MBNL2: variants seen among roughly 807,000 people sequenced by gnomAD.
MBNL2 encodes the protein muscleblind like splicing regulator 2.
In MBNL2, 17 loss-of-function variants were observed where a neutral mutation model predicts 41.9. The observed-to-expected ratio is 0.41, with a 90% CI of 0.28 to 0.61. MBNL2 has a LOEUF of 0.61. Ranked by LOEUF, MBNL2 falls within the 20% of genes least tolerant of loss-of-function variation. The pLI is 0.35. For missense variants in MBNL2, 336 were observed against 505.6 expected (o/e 0.66, Z 3.22); for synonymous variants, 195 against 182.9 (o/e 1.07, Z -0.53).
In MBNL2 at chr13:97,270,333, TTAA is replaced by T. The variant is rs536842763; in HGVS notation, c.-604-5295_-604-5293del. Among the ~76,000 whole-genome samples the T allele has an allele frequency of 2.5e-3, 386 of 152,326 alleles. 1 individual carries two copies. Among genetic ancestry groups the T allele is most frequent in the Non-Finnish European group, 3.6e-3 (242 of 68,024 alleles). ...AGTATGTAATAACTATGAAACAATC[TTAA>T]TAAGATATTTTCACATTCTTTTTTT... On this transcript the variant is annotated intron_variant, in intron 1 of 8. Coordinates refer to ENST00000679496, the MANE Select transcript of MBNL2 (RefSeq NM_001382683.1).
intron 5 of MBNL2, among the ~76,000 whole-genome samples, chr13:97,348,397 A>G (rs1471887843): frequency 6.6e-6 from 1 of 152,080 alleles, no homozygotes; most frequent in African/African-American, 2.4e-5. Flanking sequence ...GGTGATTCCA[A>G]TGCATCGCAA....
the MBNL2 span, among the ~76,000 whole-genome samples, chr13:97,202,616 A>C: frequency 1.3e-5 from 2 of 152,156 alleles, no homozygotes; most frequent in Non-Finnish European, 2.9e-5. Flanking sequence ...GCAATGTTTA[A>C]AAAAAATAAG....
intron 1 of MBNL2, among the ~76,000 whole-genome samples, chr13:97,250,491 G>A (rs1405744300): frequency 3.3e-5 from 5 of 151,788 alleles, no homozygotes; most frequent in African/African-American, 1.2e-4. Flanking sequence ...ACTCAAGAAT[G>A]AAGTTCTTGA....
intron 2 of MBNL2, among the ~76,000 whole-genome samples, chr13:97,286,532 T>G (rs567958543): frequency 5.3e-5 from 8 of 152,336 alleles, no homozygotes; most frequent in South Asian, 2.1e-4. Flanking sequence ...TTTTAAAACA[T>G]AAGTCACAGC....
At chr13:97,357,694 T>A in intron 7 of MBNL2, 59 bp downstream of exon 7, 2 of 1,537,336 alleles carry the variant, frequency 1.3e-6, no homozygotes, top group Non-Finnish European at 1.8e-6. Flanking sequence ...TTCTTCTCAT[T>A]TCTCTAAGCT....
At chr13:97,216,873 T>C (rs1385525167), upstream of MBNL2, among the ~76,000 whole-genome samples, 2 of 151,432 alleles carry the variant, frequency 1.3e-5, no homozygotes, top group African/African-American at 2.4e-5. Context: ...CATGGATATA[T>C]ATTATTACAT....
intron 1 of MBNL2, among the ~76,000 whole-genome samples, chr13:97,257,743 G>T (rs2047831718): frequency 6.6e-6 from 1 of 152,142 alleles, no homozygotes; most frequent in African/African-American, 2.4e-5. Flanking sequence ...GCCTGTGCAG[G>T]GTGTGCTCCT....
the MBNL2 span, among the ~76,000 whole-genome samples, chr13:97,183,386 C>T: frequency 6.6e-6 from 1 of 152,200 alleles, no homozygotes; most frequent in African/African-American, 2.4e-5. Context: ...TAAGAAGACT[C>T]ATTCGGTTTC....
At chr13:97,287,609 C>T (rs901769968) in intron 2 of MBNL2, among the ~76,000 whole-genome samples, 2 of 151,950 alleles carry the variant, frequency 1.3e-5, no homozygotes, top group African/African-American at 2.4e-5. Flanking sequence ...CTTATTCCCC[C>T]GATCTAGCTG....
chr13:97,383,823 TC>T (rs1174917834), intron 8 of MBNL2, among the ~76,000 whole-genome samples: 1 of 152,018 alleles, frequency 6.6e-6, no homozygotes, highest in African/African-American at 2.4e-5. Flanking sequence ...CGAACAATAT[TC>T]CCCCAGAATA....
At chr13:97,210,848 C>A in the MBNL2 span, among the ~76,000 whole-genome samples, 1 of 152,006 alleles carries the variant, frequency 6.6e-6, no homozygotes, top group African/African-American at 2.4e-5. Flanking sequence ...GCTGTGAGAC[C>A]AAAGTCAGTA....
intron 3 of MBNL2, among the ~76,000 whole-genome samples, chr13:97,339,454 G>T (rs1382175932): frequency 6.6e-6 from 1 of 152,086 alleles, no homozygotes; most frequent in Non-Finnish European, 1.5e-5. Flanking sequence ...CGCGAATCTT[G>T]TCCTCTGGCC....
At chr13:97,361,365 T>C (rs1248956307) in intron 7 of MBNL2, among the ~76,000 whole-genome samples, 1 of 152,192 alleles carries the variant, frequency 6.6e-6, no homozygotes, top group Non-Finnish European at 1.5e-5. Flanking sequence ...AAATTGTCCA[T>C]TGTAGCTATA....
At chr13:97,255,306 AT>A (rs1460760197) in intron 1 of MBNL2, among the ~76,000 whole-genome samples, 4 of 152,356 alleles carry the variant, frequency 2.6e-5, no homozygotes, top group Admixed American at 2.6e-4. Context: ...TTGCTCTAAT[AT>A]AAAAAACACA....
chr13:97,386,880 A>G (rs144786375), intron 8 of MBNL2, among the ~76,000 whole-genome samples: 17 of 152,030 alleles, frequency 1.1e-4, no homozygotes, highest in Non-Finnish European at 1.9e-4. Context: ...GCCAGCTGAT[A>G]TTTTTGCATC....
intron 3 of MBNL2, among the ~76,000 whole-genome samples, chr13:97,342,649 A>T (rs1240784043): frequency 6.6e-6 from 1 of 152,240 alleles, no homozygotes; most frequent in Non-Finnish European, 1.5e-5. Flanking sequence ...AAACATGTAG[A>T]ATAAATCAAA....
the MBNL2 span, among the ~76,000 whole-genome samples, chr13:97,188,266 T>G: frequency 1.3e-5 from 2 of 152,130 alleles, no homozygotes; most frequent in Non-Finnish European, 2.9e-5. Context: ...CGATCCATGT[T>G]CAAACACCTC....
chr13:97,266,259 A>AAATT (rs1301370011), intron 1 of MBNL2, among the ~76,000 whole-genome samples: 60 of 151,828 alleles, frequency 4.0e-4, no homozygotes, highest in Non-Finnish European at 2.8e-4. Flanking sequence ...ATAAATAAAT[A>AAATT]AATTAATTAA....
intron 2 of MBNL2, among the ~76,000 whole-genome samples, chr13:97,322,192 T>G (rs918770255): frequency 2.0e-5 from 3 of 152,140 alleles, no homozygotes; most frequent in Non-Finnish European, 2.9e-5. Flanking sequence ...ACCTCTTCCC[T>G]GTACCTCTGC....
Sources: allele counts gnomAD v4.1 joint callset (sites outside exome capture counted in the v4.1 genomes callset), GRCh38; gene constraint gnomAD v4.1.1; transcripts MANE v1.5; gene names NCBI Gene and HGNC (gene_info 2026-07-23, HGNC 2026-07-21).